Variants in BIRC6 observed in about 807,000 individuals in gnomAD.
BIRC6 encodes dual E2 ubiquitin-conjugating enzyme/E3 ubiquitin-protein ligase BIRC6.
A neutral mutation model predicts 503.3 loss-of-function variants in BIRC6; 98 were observed. The ratio of observed to expected loss-of-function variants is 0.19; its 90% CI spans 0.17 to 0.23. The LOEUF (loss-of-function observed/expected upper bound fraction) is 0.23. BIRC6 is among the 10% of genes least tolerant of loss of function. The pLI, the probability that BIRC6 is intolerant of heterozygous loss-of-function variation, is 1.00. For missense variants in BIRC6, 5,360 were observed against 5,806.0 expected (o/e 0.92, Z 2.50); for synonymous variants, 2,240 against 2,078.7 (o/e 1.08, Z -2.11).
Position 32,415,943 on chromosome 2 carries a change from C to G in BIRC6, c.2652C>G (p.Thr884=), listed in dbSNP as rs775472323. 1.7e-5 allele frequency: 28 copies of G among 1,613,758 alleles called. No individual in the cohort carries two copies. The highest frequency in any genetic ancestry group is 2.2e-5 in the Non-Finnish European group (26 of 1,179,856). ...AACCTATTGAGGACATGCAGTTAAC[C>G]TCAAAGAATGGTTTTGAGAGAGAAA... ...CEEPIEDMQL[T]SKNGFEREKT... Residue 884 remains threonine, a synonymous_variant, in exon 10 of 74, where the codon ACC becomes ACG. Transcript: ENST00000421745.
At chr2:32,364,606 A>G (rs1032024262) in intron 1 of BIRC6, among the ~76,000 whole-genome samples, 1 of 151,720 alleles carries the variant, frequency 6.6e-6, no homozygotes, top group Admixed American at 6.6e-5. Flanking sequence ...CTTTTCCTAT[A>G]TAGATAGTGA....
In BIRC6 at chr2:32,415,568, A is replaced by C. The variant is rs777790977; in HGVS notation, c.2277A>C (p.Ala759=). ...LRTCPVESLS[A]INQVEALNNL... is the part of the protein sequence containing the mutation. ...CATGCCCTGTTGAATCCTTGAGTGC[A>C]ATAAATCAAGTAGAGGCCTTGAATA... Residue 759 remains alanine (A), a synonymous_variant, in exon 10 of 74, where the codon GCA becomes GCC. Transcript: ENST00000421745. The C allele has an allele frequency of 1.2e-6, 2 of 1,614,016 alleles. No homozygotes were observed. Among genetic ancestry groups the C allele is most frequent in the Non-Finnish European group, 1.7e-6 (2 of 1,179,876 alleles).
At chr2:32,473,581 T>C (rs993912717) in intron 33 of BIRC6, among the ~76,000 whole-genome samples, 4 of 152,102 alleles carry the variant, frequency 2.6e-5, no homozygotes, top group Non-Finnish European at 5.9e-5. Flanking sequence ...TCTGTGGCTT[T>C]TGTTTGACCT....
intron 34 of BIRC6, among the ~76,000 whole-genome samples, chr2:32,476,549 T>C (rs979286601): frequency 6.6e-6 from 1 of 152,154 alleles, no homozygotes; most frequent in African/African-American, 2.4e-5. Flanking sequence ...ATTACCTTCA[T>C]TGTGGATTGA....
intron 55 of BIRC6, 68 bp from the exon 56 acceptor site, chr2:32,518,186 T>A: frequency 7.0e-7 from 1 of 1,426,334 alleles, no homozygotes; most frequent in Admixed American, 2.2e-5. Context: ...TGTTTCCTTT[T>A]TATCTTTCAA....
intron 3 of BIRC6, among the ~76,000 whole-genome samples, chr2:32,382,429 G>A (rs1199737691): frequency 6.6e-6 from 1 of 152,228 alleles, no homozygotes; most frequent in Non-Finnish European, 1.5e-5. Context: ...AAACAGTGCT[G>A]ATGGCAATGG....
chr2:32,430,933 T>G lies in BIRC6; in HGVS notation c.3091T>G (p.Phe1031Val). The change falls in exon 12 of 74, where the codon TTT becomes GTT. Residue 1031 changes from phenylalanine (F) to valine (V), a missense_variant. By Grantham distance (50) the Phe-to-Val change is conservative. This residue lies in a region of BIRC6 where 700 missense variants were observed against 739.3 expected (regional missense o/e 0.95). Coordinates refer to ENST00000421745, the MANE Select transcript of BIRC6 (RefSeq NM_016252.4). ...GACATCCCTAGTGGAGCTAACCCGC[T>G]TTGAGACTTTGACTCCAAGGTTTTC... ...ILTSLVELTR[F>V]ETLTPRFSAT... 1 of 1,612,602 alleles carries G rather than the reference T, an allele frequency of 6.2e-7. No homozygotes were observed. Among genetic ancestry groups the G allele is most frequent in the Non-Finnish European group, 8.5e-7 (1 of 1,179,468 alleles).
intron 66 of BIRC6, among the ~76,000 whole-genome samples, chr2:32,587,680 C>T (rs1174824909): frequency 6.6e-6 from 1 of 152,122 alleles, no homozygotes; most frequent in Non-Finnish European, 1.5e-5. Flanking sequence ...GCCGAGATCA[C>T]GCCACTGCAC....
At chr2:32,486,093 A>G (rs947366702) in intron 40 of BIRC6, among the ~76,000 whole-genome samples, 2 of 152,186 alleles carry the variant, frequency 1.3e-5, no homozygotes, top group Non-Finnish European at 2.9e-5. Context: ...CACTATTCCA[A>G]ATTTATGATG....
At position 32,525,534 on chromosome 2, in the gene BIRC6, A is replaced by C. The variant is rs374346131; in HGVS notation, c.11826A>C (p.Thr3942=). 1.2e-6 allele frequency: 2 copies of C among 1,613,888 alleles called. No homozygotes were observed. The highest frequency in any genetic ancestry group is 2.7e-5 in the African/African-American group (2 of 74,946). ...PPRPPSRRGR[T]IPDKIGSTSG... ...GCCCACCATCCAGGAGGGGGAGGAC[A>C]ATACCTGATAAAATAGGAAGTACTT... Residue 3942 remains threonine (T), a synonymous_variant, in exon 59 of 74, where the codon ACA becomes ACC. Coordinates refer to ENST00000421745, the MANE Select transcript of BIRC6 (RefSeq NM_016252.4).
At position 32,415,239 on chromosome 2, in the gene BIRC6, A is replaced by T; in HGVS notation, c.1948A>T (p.Asn650Tyr). 6.2e-7 allele frequency: 1 copy of T among 1,614,018 alleles called. No individual in the cohort carries two copies. The highest frequency in any genetic ancestry group is 8.5e-7 in the Non-Finnish European group (1 of 1,179,868). The change falls in exon 10 of 74, where the codon AAC (asparagine) becomes TAC (tyrosine). Residue 650 changes from asparagine to tyrosine, a missense_variant. By Grantham distance (143) the Asn-to-Tyr change is moderately radical (BLOSUM62 -2). Around this residue, in one of 16 missense-constraint regions of BIRC6, gnomAD observed 700 missense variants for 739.3 expected, o/e 0.95. Coordinates refer to ENST00000421745, the MANE Select transcript of BIRC6 (RefSeq NM_016252.4). ...EKAGKIFSQM[N>Y]NIMSKSLHDD... ...AGCAGGAAAGATCTTTTCACAGATG[A>T]ACAATATTATGAGTAAAAGTTTGCA...
intron 65 of BIRC6, among the ~76,000 whole-genome samples, chr2:32,561,084 G>C (rs1170308641): frequency 1.3e-5 from 2 of 151,648 alleles, no homozygotes; most frequent in African/African-American, 4.8e-5. Context: ...TGTAGTCCCA[G>C]CTACTTGGGA....
intron 65 of BIRC6, chr2:32,565,644 A>T (rs1381774902): frequency 1.3e-5 from 2 of 152,222 alleles, no homozygotes; most frequent in East Asian, 1.9e-4. Flanking sequence ...AATACATATT[A>T]GTTCATTGTC....
At chr2:32,485,279 C>T (rs765954255) in intron 39 of BIRC6, among the ~76,000 whole-genome samples, 12 of 152,156 alleles carry the variant, frequency 7.9e-5, no homozygotes, top group Non-Finnish European at 1.8e-4. Context: ...GAATTCACAT[C>T]AGTGTATCTG....
Position 32,473,706 on chromosome 2 carries a change from CGTGTGTGTGTGTGTGT to C in BIRC6, c.6720+496_6720+511del, listed in dbSNP as rs70938348. ...TTTCCATGTCTTTTTTCTCCTTTTT[CGTGTGTGTGTGTGTGT>C]GTGTGTGTGTGTGTGTGTGTGTGTG... On this transcript the variant is annotated intron_variant, in intron 33 of 73. Coordinates refer to ENST00000421745, the MANE Select transcript of BIRC6 (RefSeq NM_016252.4). Among the ~76,000 whole-genome samples, 59 of 72,688 alleles carry C rather than the reference CGTGTGTGTGTGTGTGT, an allele frequency of 8.1e-4. No homozygotes were observed. In the East Asian group the frequency reaches 0.012, roughly 15 times the overall value. 47.7% of individuals were successfully genotyped at this position (72,688 alleles called of 152,430 possible).
chr2:32,435,678 A>T, intron 14 of BIRC6, 93 bp downstream of exon 14: 1 of 1,343,456 alleles, frequency 7.4e-7, no homozygotes, highest in Non-Finnish European at 9.8e-7. Context: ...TGGCTTGCAA[A>T]AACTTGGTTT....
Position 32,357,785 on chromosome 2 carries a change from C to T in BIRC6, c.325+299C>T, listed in dbSNP as rs1339039097. On this transcript the variant is annotated intron_variant, in intron 1 of 73. Coordinates refer to ENST00000421745, the MANE Select transcript of BIRC6 (RefSeq NM_016252.4). This position sits in a 1 kb window ranked among gnomAD's most constrained non-coding sequence, Gnocchi z 4.9. The stretch of plus-strand genomic sequence containing the variant: ...CGCGAGAGGTGAGGAGACCTTGGAG[C>T]TTGGCACCGGAGGAAGCGAGGCCCG... Among the ~76,000 whole-genome samples, 1 of 152,098 alleles carries T rather than the reference C, an allele frequency of 6.6e-6. No individual in the cohort carries two copies. Among genetic ancestry groups the T allele is most frequent in the African/African-American group, 2.4e-5 (1 of 41,414 alleles).
rs2033232593 is a variant in BIRC6, at chr2:32,357,341, C to T, written c.180C>T (p.Asp60=). The change falls in exon 1 of 74, where the codon GAC becomes GAT. Residue 60 remains aspartate, a synonymous_variant. Transcript: ENST00000421745. The surrounding 1 kb of genome is among the most constrained non-coding windows in gnomAD (Gnocchi z 4.9). The part of the protein sequence containing the change: ...AGVSEWLVLR[D]GCMHCDADGL... ...TCTCAGAGTGGCTGGTGCTGCGGGA[C>T]GGCTGCATGCACTGCGACGCCGACG... 5.2e-6 allele frequency: 8 copies of T among 1,541,768 alleles called. No homozygotes were observed. The highest frequency in any genetic ancestry group is 7.0e-6 in the Non-Finnish European group (8 of 1,145,330).
rs1436739660 is a variant in BIRC6 at position 32,412,882 on chromosome 2, TTC to T, written c.1478-1885_1478-1884del. On this transcript the variant is annotated intron_variant, in intron 9 of 73. Transcript: ENST00000421745. ...TTGGTTTAGAATTGAAGTGCAGAAA[TTC>T]TGTTACTTTGATATTAATTTAAAGT... Among the ~76,000 whole-genome samples, 6 of 152,302 alleles carry T rather than the reference TTC, an allele frequency of 3.9e-5. No individual in the cohort carries two copies. The East Asian group carries it at 7.7e-4, about 20-fold the overall frequency.
Sources: gnomAD v4.1 joint callset for allele counts (sites outside exome capture counted in the v4.1 genomes callset) on GRCh38, gnomAD v4.1.1 for gene constraint, gnomAD v4.1.1 regional missense constraint, Gnocchi (gnomAD v3.1) non-coding constraint, MANE v1.5 for transcripts, NCBI Gene and HGNC (gene_info 2026-07-23, HGNC 2026-07-21) for gene names.